The following DPP10 variants were observed in gnomAD, a reference collection of about 807,000 sequenced individuals.
DPP10 encodes the protein dipeptidyl peptidase like 10.
DPP10 carries 33 observed loss-of-function variants against 120.9 expected under a neutral mutation model. The ratio of observed to expected loss-of-function variants is 0.27; its 90% CI spans 0.21 to 0.37. The LOEUF (loss-of-function observed/expected upper bound fraction) is 0.37, where lower values mean the gene tolerates loss of function less well. DPP10 is among the 10% of genes least tolerant of loss of function. The pLI, the probability that DPP10 is intolerant of heterozygous loss-of-function variation, is 1.00. For missense variants in DPP10, 816 were observed against 942.8 expected, an observed-to-expected ratio of 0.87 and a Z score of 1.76; for synonymous variants, 337 against 326.1, an observed-to-expected ratio of 1.03 and a Z score of -0.36.
intron 1 of DPP10, among the ~76,000 whole-genome samples, chr2:114,470,867 GC>G (rs1214986750): frequency 6.6e-6 from 1 of 152,174 alleles, no homozygotes; most frequent in African/African-American, 2.4e-5. Context: ...CTGTACACAT[GC>G]AGACATCATC....
At chr2:114,630,874 C>T (rs2105373221) in intron 1 of DPP10, among the ~76,000 whole-genome samples, 1 of 152,152 alleles carries the variant, frequency 6.6e-6, no homozygotes. Context: ...GATGCTTCTC[C>T]CTGATTTCAA....
At chr2:114,502,135 T>C (rs947749221) in intron 1 of DPP10, among the ~76,000 whole-genome samples, 6 of 151,978 alleles carry the variant, frequency 3.9e-5, no homozygotes, top group Non-Finnish European at 7.4e-5. Flanking sequence ...TTTATTTTTT[T>C]AGTAGAGACG....
chr2:115,501,804 A>G (rs1233966478), intron 4 of DPP10, among the ~76,000 whole-genome samples: 1 of 152,056 alleles, frequency 6.6e-6, no homozygotes, highest in Non-Finnish European at 1.5e-5. Flanking sequence ...ATTATTTAAT[A>G]CACTTATGTT....
At chr2:114,634,531 C>T (rs934304011) in intron 1 of DPP10, among the ~76,000 whole-genome samples, 1 of 151,806 alleles carries the variant, frequency 6.6e-6, no homozygotes, top group Admixed American at 6.6e-5. Context: ...ACTTTGCAAA[C>T]GGCCTATTAA....
chr2:115,327,038 A>C (rs892030744), intron 2 of DPP10, among the ~76,000 whole-genome samples: 1 of 152,060 alleles, frequency 6.6e-6, no homozygotes, highest in Non-Finnish European at 1.5e-5. Context: ...TACAAGCTCC[A>C]TTCTTGAAGT....
At chr2:115,566,398 G>A (rs944006732) in intron 5 of DPP10, among the ~76,000 whole-genome samples, 19 of 151,834 alleles carry the variant, frequency 1.3e-4, no homozygotes, top group Non-Finnish European at 2.9e-5. Flanking sequence ...CTGTAACAAA[G>A]CATTTTCCAT....
intron 1 of DPP10, among the ~76,000 whole-genome samples, chr2:114,707,974 G>A (rs1031042239): frequency 1.3e-5 from 2 of 152,128 alleles, no homozygotes; most frequent in African/African-American, 4.8e-5. Context: ...CACAAACCCA[G>A]CTGCCAGAAT....
At chr2:115,510,743 C>A (rs1394054759) in intron 4 of DPP10, among the ~76,000 whole-genome samples, 1 of 152,074 alleles carries the variant, frequency 6.6e-6, no homozygotes, top group African/African-American at 2.4e-5. Context: ...AAAAATAGTG[C>A]TACACTAACA....
At chr2:115,448,873 G>A (rs2104945912) in intron 3 of DPP10, among the ~76,000 whole-genome samples, 1 of 152,096 alleles carries the variant, frequency 6.6e-6, no homozygotes, top group East Asian at 1.9e-4. Context: ...CATATCATTT[G>A]AGGTTTTACT....
At chr2:114,935,448 G>T (rs1696390738) in intron 1 of DPP10, among the ~76,000 whole-genome samples, 1 of 152,068 alleles carries the variant, frequency 6.6e-6, no homozygotes, top group Non-Finnish European at 1.5e-5. Context: ...TTTTTATTGA[G>T]CCATGTTATG....
rs1239559179 is a variant in DPP10 at position 115,483,437 on chromosome 2, G to GTCTA, written c.272-16033_272-16030dup. 5.5e-3 allele frequency among the ~76,000 whole-genome samples: 796 copies of GTCTA among 145,744 alleles called. 8 individuals carry two copies. The highest frequency in any genetic ancestry group is 0.019 in the African/African-American group (728 of 38,862). ...CACTGCCTGATATGTCTATCTGTCTGTCTATCTATCTATCTATCTATCTAT... is the reference window on the plus strand; with the variant it reads ...CACTGCCTGATATGTCTATCTGTCTGTCTATCTATCTATCTATCTATCTATCTAT... On this transcript the variant is annotated intron_variant, in intron 3 of 25. Coordinates refer to ENST00000410059, the MANE Select transcript of DPP10 (RefSeq NM_020868.6).
In DPP10 at chr2:114,531,402, T is replaced by C. The variant is rs1427335177; in HGVS notation, c.60+88564T>C. On this transcript the variant is annotated intron_variant, in intron 1 of 25. Coordinates refer to ENST00000410059, the MANE Select transcript of DPP10 (RefSeq NM_020868.6). ...GATGATGATAGAGAAGTATTTATTA[T>C]GAAAGAAAGAAAGAGAAGGAGAGAG... is the stretch of plus-strand genomic sequence containing the variant. Among the ~76,000 whole-genome samples the C allele has an allele frequency of 2.6e-5, 4 of 151,614 alleles. No homozygotes were observed. The East Asian group carries it at 7.7e-4, about 29-fold the overall frequency.
intron 4 of DPP10, among the ~76,000 whole-genome samples, chr2:115,511,151 G>T (rs1410841252): frequency 6.6e-6 from 1 of 151,752 alleles, no homozygotes; most frequent in Non-Finnish European, 1.5e-5. Flanking sequence ...TTTATTTTTT[G>T]GAAAAGTTTA....
rs187985033 is a variant in DPP10 at position 115,456,990 on chromosome 2, G to A, written c.272-42520G>A. Among the ~76,000 whole-genome samples, 428 of 151,686 alleles carry A rather than the reference G, an allele frequency of 2.8e-3. 4 individuals carry two copies. The highest frequency in any genetic ancestry group is 4.4e-3 in the Non-Finnish European group (300 of 67,882). On this transcript the variant is annotated intron_variant, in intron 3 of 25. Coordinates refer to ENST00000410059, the MANE Select transcript of DPP10 (RefSeq NM_020868.6). ...TAATAATAAAAACAAAAAAGAAATT[G>A]GAGGAATTGCCATACCCGATTTCAA...
At chr2:115,661,874 T>C (rs1362264999) in intron 5 of DPP10, among the ~76,000 whole-genome samples, 2 of 152,210 alleles carry the variant, frequency 1.3e-5, no homozygotes, top group Admixed American at 6.5e-5. Context: ...TTTTGTGTGA[T>C]AAGAATAGTT....
At chr2:114,586,230 A>G (rs1267603802) in intron 1 of DPP10, among the ~76,000 whole-genome samples, 1 of 152,128 alleles carries the variant, frequency 6.6e-6, no homozygotes, top group Non-Finnish European at 1.5e-5. Context: ...CAGCCTGGGT[A>G]ACAGAGAAAG....
At chr2:115,004,969 T>C (rs980983182) in intron 1 of DPP10, among the ~76,000 whole-genome samples, 3 of 151,976 alleles carry the variant, frequency 2.0e-5, no homozygotes, top group African/African-American at 7.2e-5. Context: ...AATGTCCCTG[T>C]CTGACAGCTT....
At chr2:114,826,000 C>A (rs924350221) in intron 1 of DPP10, among the ~76,000 whole-genome samples, 1 of 152,056 alleles carries the variant, frequency 6.6e-6, no homozygotes, top group Non-Finnish European at 1.5e-5. Flanking sequence ...GGGTATAAAC[C>A]ACATTCCAAT....
chr2:114,606,845 T>C (rs573092488), intron 1 of DPP10, among the ~76,000 whole-genome samples: 1 of 152,328 alleles, frequency 6.6e-6, no homozygotes, highest in African/African-American at 2.4e-5. Context: ...AAAGTGTTAC[T>C]GGGTATTTGA....
Sources: gnomAD v4.1 joint callset for allele counts (sites outside exome capture counted in the v4.1 genomes callset) on GRCh38, gnomAD v4.1.1 for gene constraint, MANE v1.5 for transcripts, NCBI Gene and HGNC (gene_info 2026-07-23, HGNC 2026-07-21) for gene names.